Variants in ADGRL2 observed in about 807,000 individuals in gnomAD.
ADGRL2 encodes the protein calcium-independent alpha-latrotoxin receptor 2.
A neutral mutation model predicts 157.4 loss-of-function variants in ADGRL2; 44 were observed. That is an observed-to-expected ratio of 0.28 (90% CI 0.22 to 0.36). The LOEUF (loss-of-function observed/expected upper bound fraction) is 0.36, where lower values mean the gene tolerates loss of function less well. Among genes scored for constraint, ADGRL2 ranks in the 10% least tolerant of loss-of-function variants. The pLI, the probability that ADGRL2 is intolerant of heterozygous loss-of-function variation, is 1.00. For missense variants in ADGRL2, 1,510 were observed against 1,768.9 expected, an observed-to-expected ratio of 0.85 and a Z score of 2.63; for synonymous variants, 585 against 624.7, an observed-to-expected ratio of 0.94 and a Z score of 0.95.
chr1:81,638,264 C>A (rs1193872825), intron 3 of ADGRL2, among the ~76,000 whole-genome samples: 3 of 152,074 alleles, frequency 2.0e-5, no homozygotes, highest in African/African-American at 4.8e-5. Flanking sequence ...TACCATTAGA[C>A]CTGCCTTGCA....
At chr1:81,502,834 G>C in intron 2 of ADGRL2, 2 of 1,612,452 alleles carry the variant, frequency 1.2e-6, no homozygotes, top group Non-Finnish European at 1.7e-6. Flanking sequence ...TGCCGCTGCC[G>C]AGGCCCCTGC....
intron 1 of ADGRL2, among the ~76,000 whole-genome samples, chr1:81,355,985 T>G (rs987414826): frequency 2.0e-5 from 3 of 152,164 alleles, no homozygotes; most frequent in South Asian, 2.1e-4. Flanking sequence ...CCTGGTATTA[T>G]TTTTTTATCT....
intron 2 of ADGRL2, among the ~76,000 whole-genome samples, chr1:81,863,926 CA>C (rs1214746012): frequency 6.6e-6 from 1 of 152,100 alleles, no homozygotes; most frequent in Non-Finnish European, 1.5e-5. Context: ...CTTTCTTTTT[CA>C]GCAATTTTAA....
chr1:81,393,269 C>G (rs1207345484), intron 1 of ADGRL2, among the ~76,000 whole-genome samples: 2 of 151,366 alleles, frequency 1.3e-5, no homozygotes, highest in Admixed American at 1.3e-4. Flanking sequence ...CCAGTTGCCT[C>G]TATCACTTTG....
intron 2 of ADGRL2, among the ~76,000 whole-genome samples, chr1:81,511,025 G>T (rs78002188): frequency 0.025 from 3,850 of 152,144 alleles, 160 homozygotes; most frequent in African/African-American, 0.088. Flanking sequence ...AATGTGAATG[G>T]AAAACAAAGA....
intron 3 of ADGRL2, among the ~76,000 whole-genome samples, chr1:81,652,233 T>C (rs1414115614): frequency 2.6e-5 from 4 of 152,216 alleles, no homozygotes; most frequent in Admixed American, 6.5e-5. Context: ...ATAAACTACA[T>C]TTCTGTGGTT....
At chr1:81,344,933 A>G (rs1038725098) in intron 1 of ADGRL2, among the ~76,000 whole-genome samples, 3 of 152,196 alleles carry the variant, frequency 2.0e-5, no homozygotes, top group African/African-American at 7.2e-5. Flanking sequence ...TTCATCAATA[A>G]TAAATTCATT....
rs1491265569 is a variant in ADGRL2, at chr1:81,993,088, T to TATATAA, written c.*1943_*1944insATATAA. Among the ~76,000 whole-genome samples the TATATAA allele has an allele frequency of 5.1e-5, 1 of 19,736 alleles. No individual in the cohort carries two copies. Among genetic ancestry groups the TATATAA allele is most frequent in the Non-Finnish European group, 8.2e-5 (1 of 12,166 alleles). 12.9% of individuals were successfully genotyped at this position (19,736 alleles called of 152,430 possible). ...ATATATATATATATATATATATATA[T>TATATAA]TTTTTTTTTTTTTTTTTTTTTTTTT... is the stretch of plus-strand genomic sequence containing the variant. On this transcript the variant is annotated 3_prime_UTR_variant, in exon 24 of 24. Transcript: ENST00000686636.
At position 81,329,197 on chromosome 1, in the gene ADGRL2, AT is replaced by A. The variant is rs564561939; in HGVS notation, c.-302+22690del. On this transcript the variant is annotated intron_variant, in intron 1 of 24. Transcript: ENST00000370721. ...GCAAGATAGCACTAAAGCTCCAGTC[AT>A]TATGTTCACTTTTCCAAACAATAGG... Among the ~76,000 whole-genome samples, 48 of 152,184 alleles carry A rather than the reference AT, an allele frequency of 3.2e-4. No individual in the cohort carries two copies. The South Asian group carries it at 3.9e-3, about 12-fold the overall frequency.
At chr1:81,762,273 T>G (rs1238831371) in intron 2 of ADGRL2, among the ~76,000 whole-genome samples, 1 of 152,162 alleles carries the variant, frequency 6.6e-6, no homozygotes, top group East Asian at 1.9e-4. Context: ...TAAAAACTGA[T>G]TGTAATTTAT....
intron 1 of ADGRL2, among the ~76,000 whole-genome samples, chr1:81,751,088 C>T (rs1045557773): frequency 3.3e-5 from 5 of 152,086 alleles, no homozygotes; most frequent in African/African-American, 1.2e-4. Context: ...AGTATTAAAA[C>T]AATGCCAGGG....
At position 81,677,948 on chromosome 1, in the gene ADGRL2, T is replaced by C. The variant is rs72939286; in HGVS notation, c.-142-83863T>C. 7.8e-3 allele frequency among the ~76,000 whole-genome samples: 1,191 copies of C among 152,288 alleles called. 12 individuals carry two copies. The highest frequency in any genetic ancestry group is 0.027 in the African/African-American group (1,120 of 41,564). On this transcript the variant is annotated intron_variant, in intron 3 of 24. Transcript: ENST00000370721. The stretch of plus-strand genomic sequence containing the variant: ...CATATACCCTATGTAACAAATACAT[T>C]ATATACTATTATTTTCTCTGAACTT...
At chr1:81,395,282 G>C (rs1378133293) in intron 1 of ADGRL2, among the ~76,000 whole-genome samples, 1 of 152,138 alleles carries the variant, frequency 6.6e-6, no homozygotes, top group Non-Finnish European at 1.5e-5. Flanking sequence ...CTTAGGATTA[G>C]TGATGTTGAG....
intron 2 of ADGRL2, among the ~76,000 whole-genome samples, chr1:81,485,118 A>G (rs1311852355): frequency 6.6e-6 from 1 of 152,010 alleles, no homozygotes; most frequent in Non-Finnish European, 1.5e-5. Flanking sequence ...AGACTTGGAA[A>G]TTAGGTCTAA....
rs183434379 is a variant in ADGRL2, at chr1:81,855,281, A to C, written c.73+18224A>C. Among the ~76,000 whole-genome samples, 52 of 151,970 alleles carry C rather than the reference A, an allele frequency of 3.4e-4. No individual in the cohort carries two copies. The East Asian group carries it at 9.9e-3, about 29-fold the overall frequency. Reference sequence around the variant, plus strand: ...TAGATAAGACCTTGTGTCTACAGAAAATTTAAAAAATTAGCCAGGCATAGT... The same window carrying C: ...TAGATAAGACCTTGTGTCTACAGAACATTTAAAAAATTAGCCAGGCATAGT... On this transcript the variant is annotated intron_variant, in intron 2 of 23. Coordinates refer to ENST00000686636, the MANE Select transcript of ADGRL2 (RefSeq NM_001366006.2).
At chr1:81,487,108 A>AAAAAAAAAAAAAT (rs537612028) in intron 2 of ADGRL2, among the ~76,000 whole-genome samples, 4 of 135,492 alleles carry the variant, frequency 3.0e-5, no homozygotes, top group Admixed American at 7.8e-5. Flanking sequence ...AAAAAAAAAA[A>AAAAAAAAAAAAAT]AGAAAGTAAA....
chr1:81,503,341 A>C, intron 2 of ADGRL2: 1 of 1,614,070 alleles, frequency 6.2e-7, no homozygotes, highest in South Asian at 1.1e-5. Context: ...GGTCCACCTC[A>C]TCACGGGGTC....
At chr1:81,333,934 T>C (rs1661453670) in intron 1 of ADGRL2, among the ~76,000 whole-genome samples, 1 of 152,182 alleles carries the variant, frequency 6.6e-6, no homozygotes, top group Non-Finnish European at 1.5e-5. Context: ...ATAAAATGCA[T>C]TATTGGTAAC....
chr1:81,936,739 G>A lies in ADGRL2; in HGVS notation c.299G>A (p.Arg100Gln). 7 of 1,580,802 alleles carry A rather than the reference G, an allele frequency of 4.4e-6. No homozygotes were observed. Among genetic ancestry groups the A allele is most frequent in the East Asian group, 2.3e-5 (1 of 44,440 alleles). ...ATTTTGTTTTTCAGGTGCAACAATC[G>A]AACACAGTGTATAGTAGTTACTGGG... ...FKIMTQRCNN[R>Q]TQCIVVTGSD... The change falls in exon 4 of 24, where the codon CGA becomes CAA. Residue 100 changes from arginine to glutamine, a missense_variant. This residue lies in a region of ADGRL2 where 361 missense variants were observed against 498.4 expected (regional missense o/e 0.72). Transcript: ENST00000686636.
Sources: gnomAD v4.1 joint callset for allele counts (sites outside exome capture counted in the v4.1 genomes callset) on GRCh38, gnomAD v4.1.1 for gene constraint, gnomAD v4.1.1 regional missense constraint, MANE v1.5 for transcripts, NCBI Gene and HGNC (gene_info 2026-07-23, HGNC 2026-07-21) for gene names.